The following ZNF804A variants were observed in gnomAD, a reference collection of about 807,000 sequenced individuals.
ZNF804A encodes zinc finger protein 804A.
In ZNF804A, 2 loss-of-function variants were observed where a neutral mutation model predicts 16.5. The observed-to-expected ratio is 0.12, with a 90% CI of 0.05 to 0.38. The LOEUF (loss-of-function observed/expected upper bound fraction) is 0.38, where lower values mean the gene tolerates loss of function less well. Among genes scored for constraint, ZNF804A ranks in the 10% least tolerant of loss-of-function variants. ZNF804A has a pLI of 0.99. For synonymous variants in ZNF804A, 534 were observed against 489.6 expected, an observed-to-expected ratio of 1.09 and a Z score of -1.20; for missense variants, 1,473 against 1,390.7, an observed-to-expected ratio of 1.06 and a Z score of -0.94.
At chr2:184,662,685 G>C (rs1692193107) in intron 1 of ZNF804A, among the ~76,000 whole-genome samples, 1 of 152,102 alleles carries the variant, frequency 6.6e-6, no homozygotes, top group African/African-American at 2.4e-5. Flanking sequence ...AAAATGCATA[G>C]TAAAATAATA....
chr2:184,673,183 G>C (rs901495050), intron 1 of ZNF804A, among the ~76,000 whole-genome samples: 1 of 152,060 alleles, frequency 6.6e-6, no homozygotes, highest in Admixed American at 6.6e-5. Context: ...TAAGGAAAGG[G>C]GAAAAGCCAG....
At chr2:184,933,973 C>A (rs1157180246) in intron 3 of ZNF804A, among the ~76,000 whole-genome samples, 2 of 151,818 alleles carry the variant, frequency 1.3e-5, no homozygotes, top group East Asian at 3.9e-4. Context: ...AAAAAATAAA[C>A]TTTATGTTAT....
At chr2:184,848,207 T>A (rs561100612) in intron 1 of ZNF804A, among the ~76,000 whole-genome samples, 1 of 152,014 alleles carries the variant, frequency 6.6e-6, no homozygotes, top group African/African-American at 2.4e-5. Context: ...CCACCAATCA[T>A]CTCATTAGCA....
rs548245871 is a variant in ZNF804A, at chr2:184,613,618, A to C, written c.111+14548A>C. 2.0e-5 allele frequency among the ~76,000 whole-genome samples: 3 copies of C among 152,242 alleles called. No individual in the cohort carries two copies. The South Asian group carries it at 6.2e-4, about 32-fold the overall frequency. ...GAGATGGGGGTAAGGGGAAAGAGAA[A>C]TTAATTAATTCTTCTAAGGCAGTAA... On this transcript the variant is annotated intron_variant, in intron 1 of 3. Coordinates refer to ENST00000302277, the MANE Select transcript of ZNF804A (RefSeq NM_194250.2).
intron 1 of ZNF804A, among the ~76,000 whole-genome samples, chr2:184,621,619 C>T (rs891267060): frequency 6.6e-6 from 1 of 151,578 alleles, no homozygotes; most frequent in Non-Finnish European, 1.5e-5. Flanking sequence ...AATACAATGT[C>T]CTTTTTTTAT....
rs1248970546 is a variant in ZNF804A, at chr2:184,800,618, T to C, written c.112-65751T>C. Among the ~76,000 whole-genome samples the C allele has an allele frequency of 2.6e-5, 4 of 151,416 alleles. No individual in the cohort carries two copies. The East Asian group carries it at 5.8e-4, about 22-fold the overall frequency. ...TCTCTTAATTTCTAGTTTACTTTTG[T>C]TTTAGTTTGAAAATATTGTACAATT... On this transcript the variant is annotated intron_variant, in intron 1 of 3. Transcript: ENST00000302277.
intron 2 of ZNF804A, among the ~76,000 whole-genome samples, chr2:184,927,395 G>A (rs997113536): frequency 2.0e-5 from 3 of 152,218 alleles, no homozygotes; most frequent in African/African-American, 4.8e-5. Context: ...TAGGGGTGGA[G>A]TGTCATAAAC....
intron 1 of ZNF804A, among the ~76,000 whole-genome samples, chr2:184,829,941 A>AAAAAAAAAAAAAAAAAAAC (rs1558975002): frequency 6.8e-6 from 1 of 146,130 alleles, no homozygotes; most frequent in African/African-American, 2.6e-5. Flanking sequence ...AAAAAAAAAA[A>AAAAAAAAAAAAAAAAAAAC]ACCACACACA....
intron 2 of ZNF804A, among the ~76,000 whole-genome samples, chr2:184,908,091 T>G (rs980155160): frequency 1.3e-5 from 2 of 152,174 alleles, no homozygotes; most frequent in African/African-American, 4.8e-5. Flanking sequence ...TCATTACAAA[T>G]TTAGTGGCTT....
intron 1 of ZNF804A, among the ~76,000 whole-genome samples, chr2:184,673,289 G>T (rs1319450285): frequency 1.3e-5 from 2 of 152,130 alleles, no homozygotes; most frequent in Admixed American, 1.3e-4. Flanking sequence ...CCATCATTTT[G>T]TATGCTTTGC....
At chr2:184,719,932 G>T (rs1377550937) in intron 1 of ZNF804A, among the ~76,000 whole-genome samples, 3 of 152,102 alleles carry the variant, frequency 2.0e-5, no homozygotes, top group Non-Finnish European at 4.4e-5. Flanking sequence ...CCACTCTTCT[G>T]AATATCAATG....
intron 1 of ZNF804A, among the ~76,000 whole-genome samples, chr2:184,706,923 G>T (rs976418604): frequency 6.6e-6 from 1 of 152,174 alleles, no homozygotes; most frequent in Non-Finnish European, 1.5e-5. Flanking sequence ...AAGCCAGACA[G>T]AGTTTATATG....
At chr2:184,880,241 A>C (rs1684787813) in intron 2 of ZNF804A, among the ~76,000 whole-genome samples, 1 of 152,098 alleles carries the variant, frequency 6.6e-6, no homozygotes, top group African/African-American at 2.4e-5. Context: ...ATTTCAAAAA[A>C]AATTAAGAAT....
chr2:184,842,256 T>C (rs1190316235), intron 1 of ZNF804A, among the ~76,000 whole-genome samples: 2 of 152,116 alleles, frequency 1.3e-5, no homozygotes, highest in African/African-American at 4.8e-5. Context: ...CAAAGCAGAA[T>C]TAACCACAGG....
At chr2:184,608,037 C>G (rs2105669600) in intron 1 of ZNF804A, among the ~76,000 whole-genome samples, 1 of 147,624 alleles carries the variant, frequency 6.8e-6, no homozygotes, top group African/African-American at 2.5e-5. Context: ...GCTCCGCCTC[C>G]CGGGTTCACG....
chr2:184,781,119 C>T (rs184288824), intron 1 of ZNF804A, among the ~76,000 whole-genome samples: 32 of 151,816 alleles, frequency 2.1e-4, no homozygotes, highest in African/African-American at 7.2e-4. Context: ...TTAAATCTTG[C>T]CAATCAAAAT....
intron 1 of ZNF804A, among the ~76,000 whole-genome samples, chr2:184,851,255 G>T (rs995128464): frequency 2.0e-5 from 3 of 151,634 alleles, no homozygotes; most frequent in Non-Finnish European, 4.4e-5. Context: ...ATTAAGTATA[G>T]TCACCATATT....
chr2:184,825,537 T>G (rs1324205607), intron 1 of ZNF804A, among the ~76,000 whole-genome samples: 5 of 152,072 alleles, frequency 3.3e-5, no homozygotes, highest in Admixed American at 6.6e-5. Context: ...AATGACAGAT[T>G]GATACCAGAG....
At chr2:184,878,266 CAA>C (rs1292587120) in intron 2 of ZNF804A, among the ~76,000 whole-genome samples, 2 of 151,962 alleles carry the variant, frequency 1.3e-5, no homozygotes, top group African/African-American at 2.4e-5. Flanking sequence ...TTATGTGAGC[CAA>C]AGAGTAGGAC....
Sources: gnomAD v4.1 joint callset for allele counts (sites outside exome capture counted in the v4.1 genomes callset) on GRCh38, gnomAD v4.1.1 for gene constraint, MANE v1.5 for transcripts, NCBI Gene and HGNC (gene_info 2026-07-23, HGNC 2026-07-21) for gene names.